NXPE4: variants seen among roughly 807,000 people sequenced by gnomAD.
The protein encoded by NXPE4 is neurexophilin and PC-esterase domain family member 4, also known as NXPE family member 4.
Under a neutral mutation model 33.3 loss-of-function variants are expected in NXPE4, and 42 were observed. That is an observed-to-expected ratio of 1.26 (90% CI 0.98 to 1.63). The LOEUF (loss-of-function observed/expected upper bound fraction) is 1.63, where lower values mean the gene tolerates loss of function less well. Among genes scored for constraint, NXPE4 ranks in the 40% most tolerant of loss-of-function variants. The pLI, the probability that NXPE4 is intolerant of heterozygous loss-of-function variation, is 0.00. For synonymous variants in NXPE4, 253 were observed against 234.9 expected (o/e 1.08, Z -0.71); for missense variants, 709 against 647.6 (o/e 1.09, Z -1.03).
chr11:114,611,317 C>CTG, the NXPE4 span, among the ~76,000 whole-genome samples: 1 of 151,008 alleles, frequency 6.6e-6, no homozygotes, highest in Non-Finnish European at 1.5e-5. Context: ...TCACTGTTAC[C>CTG]CAGTGGATAA....
At chr11:114,616,779 G>C in the NXPE4 span, among the ~76,000 whole-genome samples, 1 of 151,580 alleles carries the variant, frequency 6.6e-6, no homozygotes, top group Non-Finnish European at 1.5e-5. Context: ...TTGCCTCTTG[G>C]CTTACCACTG....
the NXPE4 span, among the ~76,000 whole-genome samples, chr11:114,601,605 A>C: frequency 1.3e-5 from 1 of 79,358 alleles, no homozygotes; most frequent in African/African-American, 5.1e-5. Flanking sequence ...ATTTATAATT[A>C]TATATAATTA....
chr11:114,625,048 C>T, the NXPE4 span, among the ~76,000 whole-genome samples: 3 of 152,162 alleles, frequency 2.0e-5, no homozygotes, highest in South Asian at 2.1e-4. Context: ...AACACTGTTA[C>T]CCTGTGGATG....
the NXPE4 span, among the ~76,000 whole-genome samples, chr11:114,645,320 T>TA: frequency 6.6e-6 from 1 of 151,662 alleles, no homozygotes; most frequent in Non-Finnish European, 1.5e-5. Flanking sequence ...TAAGTAAAAA[T>TA]AAAAAAACCC....
chr11:114,614,394 C>A, the NXPE4 span, among the ~76,000 whole-genome samples: 1 of 151,500 alleles, frequency 6.6e-6, no homozygotes, highest in Non-Finnish European at 1.5e-5. Context: ...TAAGTGTAGC[C>A]TCTAGGGTAA....
chr11:114,663,726 CCTAT>C, the NXPE4 span, among the ~76,000 whole-genome samples: 4 of 146,470 alleles, frequency 2.7e-5, no homozygotes, highest in South Asian at 4.4e-4. Flanking sequence ...GATCTACCTA[CCTAT>C]CTATTGGCGA....
the NXPE4 span, among the ~76,000 whole-genome samples, chr11:114,658,347 A>G: frequency 6.6e-6 from 1 of 152,198 alleles, no homozygotes; most frequent in African/African-American, 2.4e-5. Context: ...GGCTAGTATG[A>G]GAGTATAGAA....
chr11:114,628,722 C>T, the NXPE4 span, among the ~76,000 whole-genome samples: 5 of 150,510 alleles, frequency 3.3e-5, no homozygotes, highest in African/African-American at 4.9e-5. Context: ...AAAAAATTAA[C>T]GAATCCAGGA....
chr11:114,580,407 T>C (rs640796), intron 4 of NXPE4, 69 bp from the exon 5 acceptor site: 788,510 of 1,311,172 alleles, frequency 0.6, 245,085 homozygotes, highest in East Asian at 0.79. Context: ...ATTAAGAGCC[T>C]TCTATCCTCT....
At chr11:114,632,642 TAATA>T in the NXPE4 span, among the ~76,000 whole-genome samples, 1 of 97,090 alleles carries the variant, frequency 1.0e-5, no homozygotes, top group Non-Finnish European at 1.8e-5. Flanking sequence ...TAAATGTAAA[TAATA>T]AATGTAAAAT....
the NXPE4 span, among the ~76,000 whole-genome samples, chr11:114,613,005 A>G: frequency 2.0e-5 from 3 of 152,090 alleles, no homozygotes; most frequent in African/African-American, 7.2e-5. Flanking sequence ...ATGGATAATT[A>G]GTGTTGCCTC....
chr11:114,642,781 T>A, the NXPE4 span, among the ~76,000 whole-genome samples: 1 of 152,132 alleles, frequency 6.6e-6, no homozygotes, highest in Admixed American at 6.6e-5. Flanking sequence ...ATATACCCAG[T>A]ACTGGGCTTG....
chr11:114,625,605 A>C, the NXPE4 span, among the ~76,000 whole-genome samples: 1 of 152,170 alleles, frequency 6.6e-6, no homozygotes, highest in Non-Finnish European at 1.5e-5. Context: ...CTGGTGGATA[A>C]TAAATATTGC....
At chr11:114,663,637 C>CTATCATCTATCT in the NXPE4 span, among the ~76,000 whole-genome samples, 1 of 138,754 alleles carries the variant, frequency 7.2e-6, no homozygotes. Flanking sequence ...ATCTATCTAT[C>CTATCATCTATCT]ATCTATCCAT....
chr11:114,588,877 G>C (rs1949373949), intron 2 of NXPE4, among the ~76,000 whole-genome samples: 1 of 152,116 alleles, frequency 6.6e-6, no homozygotes, highest in Non-Finnish European at 1.5e-5. Context: ...TACACAGGCA[G>C]CTCCCAATAT....
At chr11:114,622,564 G>A in the NXPE4 span, among the ~76,000 whole-genome samples, 1 of 151,808 alleles carries the variant, frequency 6.6e-6, no homozygotes, top group Non-Finnish European at 1.5e-5. Context: ...TTGCCTCGTG[G>A]GTAACCACTG....
chr11:114,665,770 C>T, the NXPE4 span, among the ~76,000 whole-genome samples: 1 of 152,280 alleles, frequency 6.6e-6, no homozygotes, highest in Admixed American at 6.5e-5. Flanking sequence ...AGGGCTAAGA[C>T]TGTGCAGGTT....
At chr11:114,616,944 G>A in the NXPE4 span, among the ~76,000 whole-genome samples, 2 of 146,516 alleles carry the variant, frequency 1.4e-5, no homozygotes, top group Non-Finnish European at 2.9e-5. Context: ...GTGTTGCCTT[G>A]TGGGTATCCA....
At chr11:114,647,963 G>A in the NXPE4 span, among the ~76,000 whole-genome samples, 1 of 152,100 alleles carries the variant, frequency 6.6e-6, no homozygotes, top group Non-Finnish European at 1.5e-5. Flanking sequence ...GCCTCCCAAA[G>A]TTCTGGGATT....
Sources: gnomAD v4.1 joint callset for allele counts (sites outside exome capture counted in the v4.1 genomes callset) on GRCh38, gnomAD v4.1.1 for gene constraint, MANE v1.5 for transcripts, NCBI Gene and HGNC (gene_info 2026-07-23, HGNC 2026-07-21) for gene names.